The following ERRFI1 variants were observed in gnomAD, a reference collection of about 807,000 sequenced individuals.
ERRFI1 encodes mitogen-inducible gene 6 protein.
ERRFI1 carries 12 observed loss-of-function variants against 14.6 expected under a neutral mutation model. The observed-to-expected ratio is 0.82, with a 90% CI of 0.53 to 1.33. The LOEUF (loss-of-function observed/expected upper bound fraction) is 1.33, where lower values mean the gene tolerates loss of function less well. Among genes scored for constraint, ERRFI1 ranks in the 40% most tolerant of loss-of-function variants. The pLI is 0.00. For synonymous variants in ERRFI1, 202 were observed against 209.9 expected, an observed-to-expected ratio of 0.96 and a Z score of 0.32; for missense variants, 482 against 572.1, an observed-to-expected ratio of 0.84 and a Z score of 1.61.
chr1:8,013,484 G>C lies in ERRFI1; in HGVS notation c.1115C>G (p.Ser372Cys), dbSNP rs1466198826. The change falls in exon 4 of 4, where the codon TCT becomes TGT. Residue 372 changes from serine (S) to cysteine (C), a missense_variant. By Grantham distance (112) the Ser-to-Cys change is moderately radical (BLOSUM62 -1). Transcript: ENST00000377482. This position sits in a 1 kb window ranked among gnomAD's most constrained non-coding sequence, Gnocchi z 4.3. ...KALQRQNSEG[S>C]ASKVPCILPI... ...CAGAATGCAAGGAACCTTACTGGCA[G>C]ATCCTTCGCTGTTCTGTCTTTGCAG... 1 of 1,614,084 alleles carries C rather than the reference G, an allele frequency of 6.2e-7. No individual in the cohort carries two copies. The highest frequency in any genetic ancestry group is 2.2e-5 in the East Asian group (1 of 44,900).
In ERRFI1 at chr1:8,013,975, G is replaced by C. The variant is rs2124059249; in HGVS notation, c.624C>G (p.Asn208Lys). 1 of 1,614,198 alleles carries C rather than the reference G, an allele frequency of 6.2e-7. No individual in the cohort carries two copies. The highest frequency in any genetic ancestry group is 8.5e-7 in the Non-Finnish European group (1 of 1,180,042). The change falls in exon 4 of 4, where the codon AAC becomes AAG. Residue 208 changes from asparagine (N) to lysine (K), a missense_variant. Coordinates refer to ENST00000377482, the MANE Select transcript of ERRFI1 (RefSeq NM_018948.4). The surrounding 1 kb of genome is among the most constrained non-coding windows in gnomAD (Gnocchi z 4.3). ...RRSFRGCGQI[N>K]YAYFDTPAVS... is the part of the protein sequence containing the mutation. ...CAGCTGGGGTATCAAAATATGCATA[G>C]TTGATTTGTCCACACCCACGGAAGC...
chr1:8,014,675 G>A lies in ERRFI1; in HGVS notation c.203-279C>T, dbSNP rs190814635. The A allele has an allele frequency of 1.7e-4, 72 of 414,106 alleles. 1 individual carries two copies. The highest frequency in any genetic ancestry group is 1.3e-3 in the African/African-American group (67 of 50,318). The allele number at this position is 414,106 out of a possible 1,614,324, so 25.7% of individuals were successfully genotyped here. ...ACACATCACAGGCAAGTTTTGTGAC[G>A]TGTGTAAAATTCGCGGAAGATGAAT... On this transcript the variant is annotated intron_variant, in intron 3 of 3. Coordinates refer to ENST00000377482, the MANE Select transcript of ERRFI1 (RefSeq NM_018948.4).
Position 8,014,107 on chromosome 1 carries a change from C to T in ERRFI1, c.492G>A (p.Leu164=). ...ATTCCACCTCACAGTCTGTGTCATC[C>T]AGAGAGAGGGCTTCAGAGATTGGCA... ...PPLPISEALS[L]DDTDCEVEFL... is the part of the protein sequence containing the mutation. Residue 164 remains leucine (L), a synonymous_variant, in exon 4 of 4, where the codon CTG becomes CTA. Transcript: ENST00000377482. 1.2e-6 allele frequency: 2 copies of T among 1,614,122 alleles called. No homozygotes were observed. Among genetic ancestry groups the T allele is most frequent in the East Asian group, 2.2e-5 (1 of 44,880 alleles).
At chr1:8,018,370 GGGC>G (rs1641219433) in intron 1 of ERRFI1, among the ~76,000 whole-genome samples, 1 of 69,904 alleles carries the variant, frequency 1.4e-5, no homozygotes, top group Non-Finnish European at 2.8e-5. Context: ...TGGAAGCGGG[GGGC>G]GGGGGGGGGG....
At chr1:8,024,399 G>A (rs1641316468) in intron 1 of ERRFI1, among the ~76,000 whole-genome samples, 1 of 152,158 alleles carries the variant, frequency 6.6e-6, no homozygotes, top group Admixed American at 6.6e-5. Context: ...AAATTAAACA[G>A]ATTTGCTTTC....
chr1:8,013,804 G>A lies in ERRFI1; in HGVS notation c.795C>T (p.Ser265=), dbSNP rs1415195563. The A allele has an allele frequency of 6.2e-7, 1 of 1,614,114 alleles. No individual in the cohort carries two copies. The highest frequency in any genetic ancestry group is 1.1e-5 in the South Asian group (1 of 91,070). The change falls in exon 4 of 4, where the codon TCC becomes TCT. Residue 265 remains serine, a synonymous_variant. Transcript: ENST00000377482. The surrounding 1 kb of genome is among the most constrained non-coding windows in gnomAD (Gnocchi z 4.3). ...GAGAAGCTCTGTGTATACAACAGTT[G>A]GATATCCTTATGGCTGGCTTGTTAA... ...GSFNKPAIRI[S]NCCIHRASPN...
intron 1 of ERRFI1, among the ~76,000 whole-genome samples, chr1:8,016,557 G>A (rs1413111941): frequency 6.6e-6 from 1 of 152,310 alleles, no homozygotes; most frequent in East Asian, 1.9e-4. Context: ...CCCTTTGTCA[G>A]ATGTTACAGG....
intron 1 of ERRFI1, among the ~76,000 whole-genome samples, chr1:8,018,141 G>A (rs1011969006): frequency 1.3e-5 from 2 of 151,960 alleles, no homozygotes; most frequent in Non-Finnish European, 2.9e-5. Context: ...GAAACTGTCC[G>A]AACTTCCTAC....
intron 1 of ERRFI1, among the ~76,000 whole-genome samples, chr1:8,020,176 T>C (rs17031976): frequency 0.053 from 8,023 of 152,102 alleles, 695 homozygotes; most frequent in African/African-American, 0.18. Flanking sequence ...AAGCCATCCA[T>C]GGGAGGAGGA....
intron 3 of ERRFI1, 72 bp downstream of exon 3, chr1:8,015,236 G>C: frequency 7.4e-7 from 1 of 1,344,926 alleles, no homozygotes. Flanking sequence ...AATAATGCTG[G>C]AGGACAAGCT....
chr1:8,023,647 A>G (rs1258557883), intron 1 of ERRFI1, among the ~76,000 whole-genome samples: 1 of 152,190 alleles, frequency 6.6e-6, no homozygotes, highest in African/African-American at 2.4e-5. Context: ...ATATTGCCCA[A>G]TTTTATGGTG....
chr1:8,014,455 G>C, intron 3 of ERRFI1, 59 bp from the exon 4 acceptor site: 1 of 1,461,168 alleles, frequency 6.8e-7, no homozygotes, highest in Non-Finnish European at 9.2e-7. Flanking sequence ...CCTGTGTGAG[G>C]GAGAGAGCAC....
chr1:8,023,755 C>T (rs1239238087), intron 1 of ERRFI1, among the ~76,000 whole-genome samples: 1 of 152,198 alleles, frequency 6.6e-6, no homozygotes, highest in Non-Finnish European at 1.5e-5. Context: ...TTTTCCCTAT[C>T]TTAAAACTAA....
chr1:8,014,166 G>T lies in ERRFI1; in HGVS notation c.433C>A (p.Leu145Ile), dbSNP rs1264047781. 6.2e-7 allele frequency: 1 copy of T among 1,614,180 alleles called. No individual in the cohort carries two copies. Among genetic ancestry groups the T allele is most frequent in the East Asian group, 2.2e-5 (1 of 44,876 alleles). The stretch of plus-strand genomic sequence containing the variant: ...AGAGGCCTAGAACCCCGTTCACAAA[G>T]AGGGGCACAGGGGAAAAGGGAAGGG... ...NSPSLFPCAP[L>I]CERGSRPLPP... is the part of the protein sequence containing the mutation. The change falls in exon 4 of 4, where the codon CTT becomes ATT. Residue 145 changes from leucine to isoleucine, a missense_variant. Coordinates refer to ENST00000377482, the MANE Select transcript of ERRFI1 (RefSeq NM_018948.4).
chr1:8,020,896 G>A (rs1322997859), intron 1 of ERRFI1, among the ~76,000 whole-genome samples: 1 of 152,180 alleles, frequency 6.6e-6, no homozygotes, highest in African/African-American at 2.4e-5. Flanking sequence ...AAAAGAAAGA[G>A]GGAGGCAAGT....
In ERRFI1 at chr1:8,026,198, A is replaced by C. The variant is rs1171334545; in HGVS notation, c.-114T>G. ...GCTGCCCCGCGGCGCCCTCCCGCGCATGTCCGTCCCGGCTGGCTCAGCGCC... is the reference window on the plus strand; with the variant it reads ...GCTGCCCCGCGGCGCCCTCCCGCGCCTGTCCGTCCCGGCTGGCTCAGCGCC... On this transcript the variant is annotated 5_prime_UTR_variant, in exon 1 of 4. An upstream start codon of the reference 5' UTR is lost. Coordinates refer to ENST00000377482, the MANE Select transcript of ERRFI1 (RefSeq NM_018948.4). The C allele has an allele frequency of 2.0e-5, 3 of 151,428 alleles. No individual in the cohort carries two copies. Among genetic ancestry groups the C allele is most frequent in the South Asian group, 2.1e-4 (1 of 4,794 alleles). 9.4% of individuals were successfully genotyped at this position (151,428 alleles called of 1,614,324 possible).
In ERRFI1 at chr1:8,015,392, G is replaced by A. The variant is rs766976133; in HGVS notation, c.126-8C>T. On this transcript the variant is annotated splice_region_variant and splice_polypyrimidine_tract_variant and intron_variant, in intron 2 of 3. Transcript: ENST00000377482. ...TCAATATTTAAAAAGTTGCTGAAAGGAGAGGAAGCTACTTTGGTCATAAGC... is the reference window on the plus strand; with the variant it reads ...TCAATATTTAAAAAGTTGCTGAAAGAAGAGGAAGCTACTTTGGTCATAAGC... The A allele has an allele frequency of 6.2e-7, 1 of 1,614,108 alleles. No individual in the cohort carries two copies. Among genetic ancestry groups the A allele is most frequent in the South Asian group, 1.1e-5 (1 of 91,086 alleles).
intron 1 of ERRFI1, among the ~76,000 whole-genome samples, chr1:8,022,598 T>G (rs1028337440): frequency 6.6e-6 from 1 of 152,198 alleles, no homozygotes; most frequent in Admixed American, 6.5e-5. Context: ...TCCCCACACT[T>G]TCACTACCTC....
chr1:8,015,091 C>G (rs946183080), intron 3 of ERRFI1: 1 of 555,884 alleles, frequency 1.8e-6, no homozygotes, highest in African/African-American at 1.9e-5. Context: ...CATGAACAGT[C>G]CTACTTAGCA....
Sources: gnomAD v4.1 joint callset for allele counts (sites outside exome capture counted in the v4.1 genomes callset) on GRCh38, gnomAD v4.1.1 for gene constraint, Gnocchi (gnomAD v3.1) non-coding constraint, MANE v1.5 for transcripts, NCBI Gene and HGNC (gene_info 2026-07-23, HGNC 2026-07-21) for gene names.